TP53BP2: variants seen among roughly 807,000 people sequenced by gnomAD.
The protein encoded by TP53BP2 is apoptosis-stimulating of p53 protein 2.
Under a neutral mutation model 126.2 loss-of-function variants are expected in TP53BP2, and 62 were observed. The observed-to-expected ratio is 0.49, with a 90% CI of 0.40 to 0.61. TP53BP2 has a LOEUF of 0.61. Ranked by LOEUF, TP53BP2 falls within the 20% of genes least tolerant of loss-of-function variation. The pLI is 0.00. For synonymous variants in TP53BP2, 485 were observed against 502.9 expected, an observed-to-expected ratio of 0.96 and a Z score of 0.48; for missense variants, 1,215 against 1,402.8, an observed-to-expected ratio of 0.87 and a Z score of 2.14.
At position 223,779,976 on chromosome 1, in the gene TP53BP2, T is replaced by TA. The variant is rs1661714673; in HGVS notation, c.*876dup. 6.6e-6 allele frequency: 1 copy of TA among 152,214 alleles called. No homozygotes were observed. The highest frequency in any genetic ancestry group is 1.5e-5 in the Non-Finnish European group (1 of 68,034). The allele number at this position is 152,214 out of a possible 1,614,324, so 9.4% of individuals were successfully genotyped here. A position where few individuals can be genotyped will look rare whatever the true frequency, so the allele number is the denominator to read the frequency against. ...GGTAAAAAACTCTTATTACGATACA[T>TA]ATACTTATGTTAAGCAGTTTGTTCT... On this transcript the variant is annotated 3_prime_UTR_variant, in exon 18 of 18. Coordinates refer to ENST00000343537, the MANE Select transcript of TP53BP2 (RefSeq NM_001031685.3).
intron 1 of TP53BP2, among the ~76,000 whole-genome samples, chr1:223,833,647 T>C (rs770884146): frequency 6.6e-6 from 1 of 152,174 alleles, no homozygotes; most frequent in Non-Finnish European, 1.5e-5. Context: ...GACCTCTACA[T>C]AGAAACCTAT....
At chr1:223,836,576 G>C (rs943444503) in intron 1 of TP53BP2, among the ~76,000 whole-genome samples, 1 of 152,162 alleles carries the variant, frequency 6.6e-6, no homozygotes, top group African/African-American at 2.4e-5. Context: ...TATGCTGTAA[G>C]GAACAGAGGT....
intron 15 of TP53BP2, among the ~76,000 whole-genome samples, chr1:223,790,177 G>C (rs552057342): frequency 6.6e-6 from 1 of 151,760 alleles, no homozygotes; most frequent in Non-Finnish European, 1.5e-5. Flanking sequence ...AGAATCACCT[G>C]AACAGGAGGT....
chr1:223,829,682 C>T (rs1198907256), intron 1 of TP53BP2, among the ~76,000 whole-genome samples: 1 of 148,474 alleles, frequency 6.7e-6, no homozygotes, highest in African/African-American at 2.5e-5. Flanking sequence ...GTGTTCCTGC[C>T]AACTTTTGAG....
In TP53BP2 at chr1:223,789,149, A is replaced by C. The variant is rs1248415835; in HGVS notation, c.3022T>G (p.Cys1008Gly). 1 of 1,614,188 alleles carries C rather than the reference A, an allele frequency of 6.2e-7. No homozygotes were observed. The highest frequency in any genetic ancestry group is 8.5e-7 in the Non-Finnish European group (1 of 1,180,018). ...GWTPLHCAAS[C>G]NNVQVCKFLV... ...AACTTACACACTTGGACGTTGTTAC[A>C]TGAGGCAGCACAATGTAATGGAGTC... Residue 1008 changes from cysteine to glycine, a missense_variant, in exon 16 of 18, where the codon TGT becomes GGT. Cys to Gly is a radical substitution (Grantham distance 159). Transcript: ENST00000343537.
At chr1:223,827,649 T>C (rs1457053728) in intron 1 of TP53BP2, among the ~76,000 whole-genome samples, 4 of 152,220 alleles carry the variant, frequency 2.6e-5, no homozygotes, top group African/African-American at 9.6e-5. Flanking sequence ...TTACAGACCA[T>C]TTTAATTGAT....
chr1:223,784,303 T>C lies in TP53BP2; in HGVS notation c.3175A>G (p.Lys1059Glu). 1 of 1,614,078 alleles carries C rather than the reference T, an allele frequency of 6.2e-7. No homozygotes were observed. Among genetic ancestry groups the C allele is most frequent in the East Asian group, 2.2e-5 (1 of 44,882 alleles). The change falls in exon 17 of 18, where the codon AAG (lysine) becomes GAG (glutamate). Residue 1059 changes from lysine to glutamate, a missense_variant. By Grantham distance (56) the Lys-to-Glu change is moderately conservative. This residue lies in a region of TP53BP2 where 151 missense variants were observed against 231.2 expected (regional missense o/e 0.65). Transcript: ENST00000343537. ...CSQFLYGVQE[K>E]MGIMNKGVIY... The stretch of plus-strand genomic sequence containing the variant: ...ACTCCTTTATTCATTATGCCCATCT[T>C]CTCCTGAACTCCTAAAATCATGACA...
At chr1:223,822,951 A>T (rs2102874909) in intron 1 of TP53BP2, among the ~76,000 whole-genome samples, 1 of 152,332 alleles carries the variant, frequency 6.6e-6, no homozygotes, top group Middle Eastern at 3.4e-3. Context: ...TGAAAGCGTT[A>T]CCTCACAGTG....
intron 3 of TP53BP2, among the ~76,000 whole-genome samples, chr1:223,811,769 C>T (rs1662914304): frequency 6.6e-6 from 1 of 152,124 alleles, no homozygotes; most frequent in African/African-American, 2.4e-5. Context: ...AAGTTAACAC[C>T]TTAATAAAGG....
intron 1 of TP53BP2, among the ~76,000 whole-genome samples, chr1:223,831,262 C>T (rs1663697202): frequency 6.8e-6 from 1 of 147,304 alleles, no homozygotes; most frequent in Admixed American, 6.8e-5. Flanking sequence ...GGTGTGGTAG[C>T]ATGTACCTGT....
At chr1:223,782,376 A>G (rs1661803530) in intron 17 of TP53BP2, among the ~76,000 whole-genome samples, 3 of 152,266 alleles carry the variant, frequency 2.0e-5, no homozygotes, top group African/African-American at 7.2e-5. Flanking sequence ...TATGTTTATC[A>G]GAGAAGGAAA....
Position 223,802,086 on chromosome 1 carries a change from G to C in TP53BP2, c.1225+30C>G, listed in dbSNP as rs1418682564. On this transcript the variant is annotated intron_variant, in intron 9 of 17. Coordinates refer to ENST00000343537, the MANE Select transcript of TP53BP2 (RefSeq NM_001031685.3). Reference sequence around the variant, plus strand: ...CTTGGGAGAAAGAATAGTGGGGACAGGAAGAACTAGGCTGTGCAGGACTTT... The same window carrying C: ...CTTGGGAGAAAGAATAGTGGGGACACGAAGAACTAGGCTGTGCAGGACTTT... The C allele has an allele frequency of 1.1e-5, 17 of 1,593,656 alleles. No homozygotes were observed. The Admixed American group carries it at 1.4e-4, about 13-fold the overall frequency.
intron 10 of TP53BP2, among the ~76,000 whole-genome samples, chr1:223,800,352 G>A (rs1341040869): frequency 1.3e-5 from 2 of 152,126 alleles, no homozygotes; most frequent in Non-Finnish European, 2.9e-5. Context: ...TTTGGGAAGT[G>A]GAAGCGGGTA....
chr1:223,793,059 C>T (rs1398402866), intron 14 of TP53BP2, among the ~76,000 whole-genome samples: 1 of 152,118 alleles, frequency 6.6e-6, no homozygotes, highest in African/African-American at 2.4e-5. Flanking sequence ...GATGACAATT[C>T]CATAGTCATA....
At chr1:223,811,886 A>T (rs1153971) in intron 3 of TP53BP2, among the ~76,000 whole-genome samples, 21,018 of 152,154 alleles carry the variant, frequency 0.14, 2,035 homozygotes, top group African/African-American at 0.26. Context: ...TATTTCTCAC[A>T]TTACTGACAC....
intron 13 of TP53BP2, among the ~76,000 whole-genome samples, chr1:223,795,343 A>G (rs1662279603): frequency 6.6e-6 from 1 of 152,212 alleles, no homozygotes; most frequent in Non-Finnish European, 1.5e-5. Context: ...GAACCCTTCC[A>G]ATTTTACCAC....
At chr1:223,829,022 A>G (rs1480211669) in intron 1 of TP53BP2, among the ~76,000 whole-genome samples, 2 of 152,136 alleles carry the variant, frequency 1.3e-5, no homozygotes, top group Non-Finnish European at 2.9e-5. Flanking sequence ...TATGCTTAGT[A>G]TGTGAGAGAT....
chr1:223,836,321 G>A (rs1264697094), intron 1 of TP53BP2, among the ~76,000 whole-genome samples: 2 of 152,222 alleles, frequency 1.3e-5, no homozygotes, highest in Non-Finnish European at 2.9e-5. Context: ...ACACAATTCC[G>A]AAGGAAGGCC....
At chr1:223,834,827 C>T in intron 1 of TP53BP2, 1 of 985,422 alleles carries the variant, frequency 1.0e-6, no homozygotes, top group Non-Finnish European at 1.2e-6. Context: ...TACCCACACA[C>T]TCACCTCCAG....
Sources: gnomAD v4.1 joint callset for allele counts (sites outside exome capture counted in the v4.1 genomes callset) on GRCh38, gnomAD v4.1.1 for gene constraint, gnomAD v4.1.1 regional missense constraint, MANE v1.5 for transcripts, NCBI Gene and HGNC (gene_info 2026-07-23, HGNC 2026-07-21) for gene names.